The following RAPGEF4 variants were observed in gnomAD, a reference collection of about 807,000 sequenced individuals.
The protein encoded by RAPGEF4 is RAP guanine-nucleotide-exchange factor (GEF) 4.
RAPGEF4 carries 66 observed loss-of-function variants against 147.9 expected under a neutral mutation model. That is an observed-to-expected ratio of 0.45 (90% confidence interval 0.37 to 0.55). The LOEUF (loss-of-function observed/expected upper bound fraction) is 0.55, where lower values mean the gene tolerates loss of function less well. Ranked by LOEUF, RAPGEF4 falls within the 20% of genes least tolerant of loss-of-function variation. RAPGEF4 has a pLI of 0.00. For synonymous variants in RAPGEF4, 419 were observed against 442.7 expected (o/e 0.95, Z 0.67); for missense variants, 1,071 against 1,257.3 (o/e 0.85, Z 2.24).
chr2:172,878,141 C>T (rs762256694), intron 4 of RAPGEF4, among the ~76,000 whole-genome samples: 6 of 152,146 alleles, frequency 3.9e-5, no homozygotes, highest in South Asian at 2.1e-4. Flanking sequence ...TGAAAAACAG[C>T]GTAAGGTTAG....
At chr2:172,792,483 C>T (rs1042992050) in intron 1 of RAPGEF4, among the ~76,000 whole-genome samples, 3 of 152,220 alleles carry the variant, frequency 2.0e-5, no homozygotes, top group Non-Finnish European at 2.9e-5. Context: ...GGCACACACA[C>T]ATCAGGATTT....
intron 6 of RAPGEF4, among the ~76,000 whole-genome samples, chr2:172,936,393 A>G (rs1158677050): frequency 6.6e-6 from 1 of 152,082 alleles, no homozygotes; most frequent in African/African-American, 2.4e-5. Flanking sequence ...TGTAAATGCT[A>G]CCTCCCAGAG....
At chr2:172,836,618 T>C (rs1366387090) in intron 4 of RAPGEF4, among the ~76,000 whole-genome samples, 1 of 152,136 alleles carries the variant, frequency 6.6e-6, no homozygotes, top group Non-Finnish European at 1.5e-5. Context: ...TGATGAGTCA[T>C]GAGAAGAGAC....
rs780343043 is a variant in RAPGEF4 at position 173,014,476 on chromosome 2, G to C, written c.1671G>C (p.Gln557His). The C allele has an allele frequency of 1.2e-6, 2 of 1,613,930 alleles. No individual in the cohort carries two copies. Among genetic ancestry groups the C allele is most frequent in the East Asian group, 2.2e-5 (1 of 44,856 alleles). Residue 557 changes from glutamine (Q) to histidine (H), a missense_variant, in exon 18 of 31, where the codon CAG becomes CAC. Physicochemically the swap from Gln to His is conservative, Grantham distance 24 (BLOSUM62 0). Transcript: ENST00000397081. ...GACTCCTCGGCACCTACCACGCACA[G>C]CCTTCACAAGGTACAGAACAGGAGA... is the stretch of plus-strand genomic sequence containing the variant. ...CPALVAHYHA[Q>H]PSQGTEQEKM...
At chr2:173,015,957 C>T (rs572666867) in intron 18 of RAPGEF4, among the ~76,000 whole-genome samples, 1 of 152,236 alleles carries the variant, frequency 6.6e-6, no homozygotes, top group East Asian at 1.9e-4. Flanking sequence ...TCCAAAATGA[C>T]CCATTTCAAA....
chr2:173,012,983 A>G (rs945213496), intron 17 of RAPGEF4, among the ~76,000 whole-genome samples: 1 of 152,252 alleles, frequency 6.6e-6, no homozygotes, highest in African/African-American at 2.4e-5. Context: ...ACATAAAGCG[A>G]TCTTTCTTCC....
rs549014027 is a variant in RAPGEF4 at position 172,877,636 on chromosome 2, C to T, written c.445-40166C>T. 2.0e-4 allele frequency among the ~76,000 whole-genome samples: 31 copies of T among 152,234 alleles called. 1 individual carries two copies. The East Asian group carries it at 2.9e-3, about 14-fold the overall frequency. ...TTGCTTTTCTCACTTTGCTGGGCTG[C>T]GGCACCAGCTGTAACCCAAGTCCTT... is the stretch of plus-strand genomic sequence containing the variant. On this transcript the variant is annotated intron_variant, in intron 4 of 30. Coordinates refer to ENST00000397081, the MANE Select transcript of RAPGEF4 (RefSeq NM_007023.4).
At chr2:173,048,551 T>C (rs1490235628) in intron 29 of RAPGEF4, 49 bp from the exon 30 acceptor site, 1 of 1,613,004 alleles carries the variant, frequency 6.2e-7, no homozygotes, top group Admixed American at 1.7e-5. Flanking sequence ...TGGATTGTAC[T>C]CTACGCTTAC....
At chr2:172,823,477 T>G (rs1218789827) in intron 4 of RAPGEF4, among the ~76,000 whole-genome samples, 1 of 152,202 alleles carries the variant, frequency 6.6e-6, no homozygotes, top group African/African-American at 2.4e-5. Flanking sequence ...GCAGTTCTAG[T>G]TGGGAAAGCT....
intron 23 of RAPGEF4, among the ~76,000 whole-genome samples, chr2:173,022,350 G>C (rs116080498): frequency 1.6e-3 from 251 of 152,316 alleles, no homozygotes; most frequent in African/African-American, 5.9e-3. Context: ...GGCCTCTGTC[G>C]TTGGAAGGAA....
intron 1 of RAPGEF4, among the ~76,000 whole-genome samples, chr2:172,766,253 T>C (rs913424773): frequency 6.6e-6 from 1 of 152,140 alleles, no homozygotes; most frequent in Middle Eastern, 3.2e-3. Flanking sequence ...TTATACATTA[T>C]AAATTATATA....
At chr2:172,822,400 A>G (rs1462808042) in intron 4 of RAPGEF4, among the ~76,000 whole-genome samples, 1 of 152,224 alleles carries the variant, frequency 6.6e-6, no homozygotes, top group Non-Finnish European at 1.5e-5. Context: ...TTCACCCTCC[A>G]GGCCCCTGGA....
intron 24 of RAPGEF4, 73 bp from the exon 25 acceptor site, chr2:173,027,004 GTCTT>G: frequency 7.5e-7 from 1 of 1,332,304 alleles, no homozygotes; most frequent in Middle Eastern, 2.1e-4. Flanking sequence ...GTAAAACACT[GTCTT>G]GACAAATAGA....
intron 4 of RAPGEF4, among the ~76,000 whole-genome samples, chr2:172,864,291 G>T (rs1473913447): frequency 1.3e-5 from 2 of 152,144 alleles, no homozygotes; most frequent in Non-Finnish European, 2.9e-5. Context: ...GTGAGAAGGA[G>T]GTCAAAGGGC....
intron 3 of RAPGEF4, among the ~76,000 whole-genome samples, chr2:172,811,558 A>C (rs2149595847): frequency 6.6e-6 from 1 of 152,364 alleles, no homozygotes; most frequent in Non-Finnish European, 1.5e-5. Flanking sequence ...TCCCTATTAA[A>C]TAAGTATTGA....
rs140323761 is a variant in RAPGEF4, at chr2:172,837,565, G to A, written c.444+23140G>A. On this transcript the variant is annotated intron_variant, in intron 4 of 30. Coordinates refer to ENST00000397081, the MANE Select transcript of RAPGEF4 (RefSeq NM_007023.4). ...TGCAGTTTCAACCTTCTTTAATGGAGTGTATGTTATAATAGAAAGGTATTC... is the reference window on the plus strand; with the variant it reads ...TGCAGTTTCAACCTTCTTTAATGGAATGTATGTTATAATAGAAAGGTATTC... 2.2e-4 allele frequency among the ~76,000 whole-genome samples: 34 copies of A among 152,290 alleles called. No homozygotes were observed. The East Asian group carries it at 6.6e-3, about 29-fold the overall frequency.
intron 4 of RAPGEF4, among the ~76,000 whole-genome samples, chr2:172,856,991 G>C (rs1362561487): frequency 8.1e-6 from 1 of 123,978 alleles, no homozygotes; most frequent in Non-Finnish European, 1.6e-5. Context: ...CTTTATTTCT[G>C]CCTGTTCTCA....
intron 3 of RAPGEF4, among the ~76,000 whole-genome samples, chr2:172,810,904 G>A (rs1175211065): frequency 6.6e-6 from 1 of 152,208 alleles, no homozygotes; most frequent in Non-Finnish European, 1.5e-5. Context: ...CCCAGAAGCA[G>A]ACCTGGAGAA....
intron 6 of RAPGEF4, among the ~76,000 whole-genome samples, chr2:172,954,984 C>T (rs935948084): frequency 5.9e-5 from 9 of 152,220 alleles, no homozygotes; most frequent in African/African-American, 2.2e-4. Flanking sequence ...CTGCACACAA[C>T]AGACCTTCAT....
Sources: allele counts gnomAD v4.1 joint callset (sites outside exome capture counted in the v4.1 genomes callset), GRCh38; gene constraint gnomAD v4.1.1; transcripts MANE v1.5; gene names NCBI Gene and HGNC (gene_info 2026-07-23, HGNC 2026-07-21).